The following SYT14 variants were observed in gnomAD, a reference collection of about 807,000 sequenced individuals.
SYT14 encodes synaptotagmin-14.
A neutral mutation model predicts 74.2 loss-of-function variants in SYT14; 32 were observed. That is an observed-to-expected ratio of 0.43 (90% CI 0.33 to 0.58). SYT14 has a LOEUF of 0.58. Among genes scored for constraint, SYT14 ranks in the 20% least tolerant of loss-of-function variants. SYT14 has a pLI of 0.05. For synonymous variants in SYT14, 298 were observed against 337.7 expected (o/e 0.88, Z 1.29); for missense variants, 791 against 981.8 (o/e 0.81, Z 2.60).
intron 5 of SYT14, among the ~76,000 whole-genome samples, chr1:210,043,434 G>GA (rs11389788): frequency 0.55 from 81,854 of 149,576 alleles, 24,498 homozygotes; most frequent in African/African-American, 0.81. Flanking sequence ...TTGTTTTACT[G>GA]AAAAAAAAAA....
intron 7 of SYT14, among the ~76,000 whole-genome samples, chr1:210,150,466 T>A (rs2083135852): frequency 6.6e-6 from 1 of 152,170 alleles, no homozygotes. Flanking sequence ...TCCTCTCTCC[T>A]GAAATTGCCT....
Position 210,117,971 on chromosome 1 carries a change from A to T in SYT14, c.2034+17510A>T, listed in dbSNP as rs554555254. Among the ~76,000 whole-genome samples, 76 of 152,342 alleles carry T rather than the reference A, an allele frequency of 5.0e-4. No individual in the cohort carries two copies. In the South Asian group the frequency reaches 0.016, roughly 32 times the overall value. On this transcript the variant is annotated intron_variant, in intron 7 of 9. Coordinates refer to ENST00000637265, the Ensembl canonical transcript of SYT14. Reference sequence around the variant, plus strand: ...GCTAATCCCTTCACTGTCAGCAACCAACAAGTGTGTATTATGTTTTTCAAC... The same window carrying T: ...GCTAATCCCTTCACTGTCAGCAACCTACAAGTGTGTATTATGTTTTTCAAC...
intron 7 of SYT14, among the ~76,000 whole-genome samples, chr1:210,143,868 C>T (rs1300978024): frequency 6.6e-6 from 1 of 152,006 alleles, no homozygotes; most frequent in Admixed American, 6.6e-5. Context: ...ATAATATTTA[C>T]TTGTAACATC....
chr1:210,000,613 CTT>C (rs71146203), intron 2 of SYT14, among the ~76,000 whole-genome samples: 50 of 105,404 alleles, frequency 4.7e-4, no homozygotes, highest in Middle Eastern at 4.5e-3. Context: ...TTTATGCCTT[CTT>C]TTTTTTTTTT....
chr1:210,159,048 T>C (rs1240449135), intron 8 of SYT14, among the ~76,000 whole-genome samples: 1 of 152,120 alleles, frequency 6.6e-6, no homozygotes, highest in East Asian at 1.9e-4. Flanking sequence ...ATTTTAAATT[T>C]AGCAATAATA....
chr1:210,090,533 C>G (rs1481765589), intron 5 of SYT14, among the ~76,000 whole-genome samples: 2 of 152,086 alleles, frequency 1.3e-5, no homozygotes, highest in African/African-American at 4.8e-5. Flanking sequence ...TTTGTAGGTG[C>G]TATGCAATAT....
intron 2 of SYT14, among the ~76,000 whole-genome samples, chr1:210,005,392 G>A (rs1003528343): frequency 1.3e-5 from 2 of 151,870 alleles, no homozygotes; most frequent in Non-Finnish European, 2.9e-5. Flanking sequence ...ATCACAGATT[G>A]GCTTTAACCA....
chr1:209,990,730 T>TA (rs1378088114), intron 2 of SYT14, among the ~76,000 whole-genome samples: 1 of 140,780 alleles, frequency 7.1e-6, no homozygotes, highest in African/African-American at 2.7e-5. Flanking sequence ...ACTCCATAAA[T>TA]ATATACACTT....
In SYT14 at chr1:210,146,966, A is replaced by G. The variant is rs137916911; in HGVS notation, c.2035-8755A>G. ...CAGGAAGCCAAACTTAGGCTATACAATTCCCACAGAAAAAAATAATTTCCA... is the reference window on the plus strand; with the variant it reads ...CAGGAAGCCAAACTTAGGCTATACAGTTCCCACAGAAAAAAATAATTTCCA... On this transcript the variant is annotated intron_variant, in intron 7 of 9. Coordinates refer to ENST00000637265, the Ensembl canonical transcript of SYT14. Among the ~76,000 whole-genome samples, 717 of 152,116 alleles carry G rather than the reference A, an allele frequency of 4.7e-3. 5 individuals carry two copies. The highest frequency in any genetic ancestry group is 0.016 in the African/African-American group (663 of 41,542).
chr1:210,158,312 C>G (rs1452044353), intron 8 of SYT14, among the ~76,000 whole-genome samples: 3 of 152,086 alleles, frequency 2.0e-5, no homozygotes, highest in Non-Finnish European at 4.4e-5. Flanking sequence ...AGGCCTGTGA[C>G]AAACATAAGA....
chr1:210,092,972 C>A (rs1265321517), intron 5 of SYT14, among the ~76,000 whole-genome samples: 1 of 152,046 alleles, frequency 6.6e-6, no homozygotes, highest in African/African-American at 2.4e-5. Context: ...AATACTACAC[C>A]ATTTTATAAC....
chr1:209,938,714 A>T (rs1434434931), intron 1 of SYT14, among the ~76,000 whole-genome samples: 1 of 151,882 alleles, frequency 6.6e-6, no homozygotes, highest in Non-Finnish European at 1.5e-5. Flanking sequence ...CTTCCGCAAT[A>T]CCCACCTTCC....
chr1:209,939,289 G>C (rs1396472235), intron 1 of SYT14, among the ~76,000 whole-genome samples: 1 of 152,184 alleles, frequency 6.6e-6, no homozygotes, highest in Non-Finnish European at 1.5e-5. Context: ...GCTGTGCAAG[G>C]TACCTATAGC....
At position 210,059,427 on chromosome 1, in the gene SYT14, AATAT is replaced by A. The variant is rs374307953; in HGVS notation, c.1313-34873_1313-34870del. On this transcript the variant is annotated intron_variant, in intron 5 of 9. Transcript: ENST00000637265. ...CTGTATATGCATGATGACAAGAAAG[AATAT>A]ATATATATATATATATATATAGAGA... 3.9e-3 allele frequency among the ~76,000 whole-genome samples: 314 copies of A among 80,010 alleles called. 4 individuals carry two copies. The highest frequency in any genetic ancestry group is 9.0e-3 in the South Asian group (19 of 2,118). 52.5% of individuals were successfully genotyped at this position (80,010 alleles called of 152,430 possible).
chr1:210,068,777 CT>C (rs888234196), intron 5 of SYT14, among the ~76,000 whole-genome samples: 1 of 151,562 alleles, frequency 6.6e-6, no homozygotes, highest in Non-Finnish European at 1.5e-5. Flanking sequence ...TGTTAATCCT[CT>C]CTATAGAATT....
At chr1:210,072,130 A>T (rs2081406667) in intron 5 of SYT14, among the ~76,000 whole-genome samples, 1 of 94,562 alleles carries the variant, frequency 1.1e-5, no homozygotes, top group South Asian at 3.0e-4. Context: ...TGGTTAATTA[A>T]AGATATATAT....
chr1:210,117,704 T>G (rs1331073792), intron 7 of SYT14, among the ~76,000 whole-genome samples: 1 of 152,124 alleles, frequency 6.6e-6, no homozygotes, highest in African/African-American at 2.4e-5. Context: ...GATAAATCTT[T>G]TAGTGAAAAG....
At chr1:210,166,551 G>GC (rs11435913) in exon 10 of SYT14, 93,721 of 151,650 alleles carry the variant, frequency 0.62, 30,157 homozygotes, top group East Asian at 0.87. Context: ...GGGTGACACA[G>GC]AAGACCTTGT....
At chr1:209,970,560 C>T (rs994569292) in intron 2 of SYT14, among the ~76,000 whole-genome samples, 2 of 149,230 alleles carry the variant, frequency 1.3e-5, no homozygotes, top group Non-Finnish European at 3.0e-5. Flanking sequence ...TTTTTTGGTT[C>T]CATATGAATT....
Sources: gnomAD v4.1 joint callset for allele counts (sites outside exome capture counted in the v4.1 genomes callset) on GRCh38, gnomAD v4.1.1 for gene constraint, MANE v1.5 for transcripts, NCBI Gene and HGNC (gene_info 2026-07-23, HGNC 2026-07-21) for gene names.